KCNN2: variants seen among roughly 807,000 people sequenced by gnomAD.
KCNN2 encodes potassium calcium-activated channel subfamily N member 2.
Under a neutral mutation model 55.5 loss-of-function variants are expected in KCNN2, and 24 were observed. The ratio of observed to expected loss-of-function variants is 0.43; its 90% CI spans 0.31 to 0.61. KCNN2 has a LOEUF of 0.61. KCNN2 is among the 20% of genes least tolerant of loss of function. KCNN2 has a pLI of 0.08. For missense variants in KCNN2, 754 were observed against 853.6 expected, an observed-to-expected ratio of 0.88 and a Z score of 1.45; for synonymous variants, 431 against 336.1, an observed-to-expected ratio of 1.28 and a Z score of -3.09.
intron 2 of KCNN2, among the ~76,000 whole-genome samples, chr5:114,392,556 T>C (rs1308133469): frequency 2.0e-5 from 3 of 152,218 alleles, no homozygotes; most frequent in African/African-American, 7.2e-5. Flanking sequence ...TCGTTTCTTC[T>C]GAGTTTTGCT....
At chr5:114,093,351 G>A (rs1359275105) in intron 1 of KCNN2, among the ~76,000 whole-genome samples, 1 of 152,136 alleles carries the variant, frequency 6.6e-6, no homozygotes, top group East Asian at 1.9e-4. Flanking sequence ...CATTCAACAA[G>A]TCTCTAGGAA....
chr5:114,473,007 A>T (rs976036850), intron 4 of KCNN2, 47 bp from the exon 5 acceptor site: 2 of 1,125,346 alleles, frequency 1.8e-6, no homozygotes, highest in African/African-American at 3.1e-5. Flanking sequence ...TCTGAGACAG[A>T]AAGTAGTTAG....
At position 114,157,849 on chromosome 5, in the gene KCNN2, G is replaced by GT. The variant is rs1561500694; in HGVS notation, c.-270-63631_-270-63630insT. On this transcript the variant is annotated intron_variant, in intron 1 of 10. Coordinates refer to the KCNN2 transcript ENST00000512097. ...ATTTCCTTTGCCCACTTTTTGATGG[G>GT]GTTTTTTTTTTTCTTGTAAATTTGT... Among the ~76,000 whole-genome samples the GT allele has an allele frequency of 4.8e-4, 72 of 150,054 alleles. No homozygotes were observed. The South Asian group carries it at 5.3e-3, about 11-fold the overall frequency.
chr5:114,118,718 C>A (rs1751768968), intron 1 of KCNN2, among the ~76,000 whole-genome samples: 1 of 152,050 alleles, frequency 6.6e-6, no homozygotes, highest in Non-Finnish European at 1.5e-5. Context: ...TTCTTGGCAT[C>A]CTGTGGCCCA....
chr5:114,125,992 T>C (rs1161323354), intron 1 of KCNN2, among the ~76,000 whole-genome samples: 1 of 152,174 alleles, frequency 6.6e-6, no homozygotes, highest in Non-Finnish European at 1.5e-5. Context: ...ACAAAGGGTA[T>C]CCTTCCTATG....
At chr5:114,426,642 A>G (rs369843284) in intron 3 of KCNN2, among the ~76,000 whole-genome samples, 1 of 152,174 alleles carries the variant, frequency 6.6e-6, no homozygotes, top group African/African-American at 2.4e-5. Context: ...CTGAATATGA[A>G]TATTTAGAAC....
At chr5:114,381,030 G>A (rs557888588) in intron 2 of KCNN2, among the ~76,000 whole-genome samples, 1 of 152,170 alleles carries the variant, frequency 6.6e-6, no homozygotes, top group African/African-American at 2.4e-5. Flanking sequence ...TTCATCTGTG[G>A]TGTGGGGGCA....
At chr5:114,168,526 A>G (rs1461495701) in intron 1 of KCNN2, among the ~76,000 whole-genome samples, 2 of 152,090 alleles carry the variant, frequency 1.3e-5, no homozygotes, top group East Asian at 3.9e-4. Flanking sequence ...TCAGCTTGCT[A>G]GTATTAGAGT....
chr5:114,135,802 G>GA (rs1354812405), intron 1 of KCNN2, among the ~76,000 whole-genome samples: 1 of 152,060 alleles, frequency 6.6e-6, no homozygotes, highest in Non-Finnish European at 1.5e-5. Flanking sequence ...TCAGAGATAA[G>GA]AAAAAATACT....
chr5:114,486,233 GTAA>G (rs1185369903), intron 5 of KCNN2, among the ~76,000 whole-genome samples: 1 of 152,188 alleles, frequency 6.6e-6, no homozygotes, highest in African/African-American at 2.4e-5. Flanking sequence ...CTTATAGTAA[GTAA>G]TCCAAAAGCC....
At chr5:114,257,420 C>T (rs986732432) in intron 2 of KCNN2, among the ~76,000 whole-genome samples, 3 of 151,734 alleles carry the variant, frequency 2.0e-5, no homozygotes, top group East Asian at 3.9e-4. Flanking sequence ...GTAGGAATCA[C>T]GTTGAATTTT....
At chr5:114,210,474 T>A (rs1445042898) in intron 1 of KCNN2, among the ~76,000 whole-genome samples, 1 of 152,098 alleles carries the variant, frequency 6.6e-6, no homozygotes, top group African/African-American at 2.4e-5. Context: ...CTGCTGCAAA[T>A]AATGAGAATT....
Position 114,466,777 on chromosome 5 carries a change from C to T in KCNN2, c.1779+3587C>T, listed in dbSNP as rs538367362. ...AGGTTGTTATTCAATAAATGGTTCTCTAATAGTGATTTATAAACCACTAGA... is the reference window on the plus strand; with the variant it reads ...AGGTTGTTATTCAATAAATGGTTCTTTAATAGTGATTTATAAACCACTAGA... On this transcript the variant is annotated intron_variant, in intron 4 of 7. Coordinates refer to ENST00000673685, the MANE Select transcript of KCNN2 (RefSeq NM_021614.4). Among the ~76,000 whole-genome samples the T allele has an allele frequency of 2.0e-5, 3 of 152,108 alleles. No individual in the cohort carries two copies. The East Asian group carries it at 5.8e-4, about 29-fold the overall frequency.
At chr5:114,465,860 C>G (rs1355742445) in intron 4 of KCNN2, among the ~76,000 whole-genome samples, 2 of 152,128 alleles carry the variant, frequency 1.3e-5, no homozygotes, top group African/African-American at 4.8e-5. Flanking sequence ...ATTTGAGTAA[C>G]ATATTTGAGA....
chr5:114,056,453 G>A, exon 1 of KCNN2: 2 of 398,642 alleles, frequency 5.0e-6, no homozygotes, highest in Non-Finnish European at 8.8e-6. Flanking sequence ...ACCGCTTTGA[G>A]GCAAATTTGA....
intron 2 of KCNN2, among the ~76,000 whole-genome samples, chr5:114,353,495 T>G (rs970668332): frequency 6.6e-6 from 1 of 151,888 alleles, no homozygotes; most frequent in South Asian, 2.1e-4. Flanking sequence ...TTTAAAAATA[T>G]GAAATTATAT....
intron 1 of KCNN2, among the ~76,000 whole-genome samples, chr5:114,161,918 G>C (rs1022596752): frequency 6.6e-6 from 1 of 152,098 alleles, no homozygotes; most frequent in Non-Finnish European, 1.5e-5. Flanking sequence ...TTTTGTTCAA[G>C]GTTTTTAACT....
intron 5 of KCNN2, among the ~76,000 whole-genome samples, chr5:114,478,780 C>T (rs1309442123): frequency 4.6e-5 from 7 of 152,230 alleles, no homozygotes; most frequent in Middle Eastern, 3.4e-3. Flanking sequence ...CCTAGAATTT[C>T]GTTATCTGGC....
intron 2 of KCNN2, among the ~76,000 whole-genome samples, chr5:114,238,291 C>T (rs1401633204): frequency 1.3e-5 from 2 of 152,102 alleles, no homozygotes; most frequent in Non-Finnish European, 2.9e-5. Flanking sequence ...TCCATGAAGA[C>T]CTCTAATTCT....
Sources: allele counts gnomAD v4.1 joint callset (sites outside exome capture counted in the v4.1 genomes callset), GRCh38; gene constraint gnomAD v4.1.1; transcripts MANE v1.5; gene names NCBI Gene and HGNC (gene_info 2026-07-23, HGNC 2026-07-21).